Variants in LUC7L observed in about 807,000 individuals in gnomAD.
LUC7L encodes LUC7 like.
In LUC7L, 29 loss-of-function variants were observed where a neutral mutation model predicts 51.1. The observed-to-expected ratio is 0.57, with a 90% CI of 0.42 to 0.77. LUC7L has a LOEUF of 0.77. Ranked by LOEUF, LUC7L falls within the 30% of genes least tolerant of loss-of-function variation. LUC7L has a pLI of 0.00. For missense variants in LUC7L, 403 were observed against 511.9 expected (o/e 0.79, Z 2.05); for synonymous variants, 181 against 180.7 (o/e 1.00, Z -0.01).
intron 6 of LUC7L, among the ~76,000 whole-genome samples, chr16:196,376 C>CCA (rs1411680379): frequency 1.3e-5 from 2 of 151,916 alleles, no homozygotes; most frequent in Non-Finnish European, 2.9e-5. Flanking sequence ...ACACTGCACT[C>CCA]CAGCCTGGGT....
intron 8 of LUC7L, 96 bp from the exon 9 acceptor site, chr16:190,231 A>G: frequency 9.1e-7 from 1 of 1,103,500 alleles, no homozygotes; most frequent in Non-Finnish European, 1.3e-6. Context: ...CTTTACTGAC[A>G]TTTTCTCCTT....
In LUC7L at chr16:194,885, G is replaced by A. The variant is rs139825419; in HGVS notation, c.688-1870C>T. Among the ~76,000 whole-genome samples the A allele has an allele frequency of 2.2e-3, 329 of 152,280 alleles. 2 individuals are homozygous for A. The highest frequency in any genetic ancestry group is 0.01 in the Middle Eastern group (3 of 294). On this transcript the variant is annotated intron_variant, in intron 6 of 9. Coordinates refer to ENST00000293872, the MANE Select transcript of LUC7L (RefSeq NM_201412.3). ...ATTTAATGCCCCTCATCTGTGTCAA[G>A]TGAAGCCCTGAGTGGGAGCAAGTCA...
chr16:191,699 G>C (rs2049014200), intron 7 of LUC7L, among the ~76,000 whole-genome samples: 1 of 152,122 alleles, frequency 6.6e-6, no homozygotes. Context: ...ACAAAAATTA[G>C]CTGGGCGTGA....
At chr16:209,183 C>G (rs1049152438) in intron 3 of LUC7L, 1 of 149,698 alleles carries the variant, frequency 6.7e-6, no homozygotes, top group Admixed American at 6.7e-5. Context: ...GACTCCGTAT[C>G]AAAAACAAAA....
intron 3 of LUC7L, among the ~76,000 whole-genome samples, chr16:211,720 T>C (rs2049646073): frequency 6.6e-6 from 1 of 152,160 alleles, no homozygotes; most frequent in Non-Finnish European, 1.5e-5. Context: ...TTATGAAACA[T>C]AAACCCTAAA....
chr16:189,370 G>C, intron 9 of LUC7L, 31 bp from the exon 10 acceptor site: 3 of 1,589,946 alleles, frequency 1.9e-6, no homozygotes, highest in Non-Finnish European at 2.6e-6. Context: ...GCTCAGTGGA[G>C]GCTGCTGCCC....
intron 3 of LUC7L, among the ~76,000 whole-genome samples, chr16:214,607 G>GC (rs1346920520): frequency 2.6e-5 from 4 of 152,256 alleles, no homozygotes; most frequent in African/African-American, 9.6e-5. Context: ...GCTCACTTCA[G>GC]CCTTGATCCT....
At chr16:226,532 T>C (rs998936405) in intron 2 of LUC7L, among the ~76,000 whole-genome samples, 8 of 152,306 alleles carry the variant, frequency 5.3e-5, no homozygotes, top group Admixed American at 3.9e-4. Flanking sequence ...TTAGATAGCA[T>C]GTTGATTTCT....
intron 3 of LUC7L, among the ~76,000 whole-genome samples, chr16:211,901 G>A (rs2049651502): frequency 6.6e-6 from 1 of 152,214 alleles, no homozygotes; most frequent in Non-Finnish European, 1.5e-5. Flanking sequence ...CAGGCCGGTG[G>A]TCACTGAGCC....
intron 4 of LUC7L, among the ~76,000 whole-genome samples, chr16:206,658 T>C (rs1323251078): frequency 6.6e-6 from 1 of 152,094 alleles, no homozygotes; most frequent in Non-Finnish European, 1.5e-5. Context: ...CTCAGTCTAA[T>C]TACATATAAA....
At chr16:216,858 C>A (rs2049816112) in intron 3 of LUC7L, among the ~76,000 whole-genome samples, 1 of 152,022 alleles carries the variant, frequency 6.6e-6, no homozygotes, top group South Asian at 2.1e-4. Context: ...CCACGCCTGG[C>A]TAACTCTGGC....
In LUC7L at chr16:208,576, T is replaced by C. The variant is rs1052987637; in HGVS notation, c.256-388A>G. 5 of 1,030,762 alleles carry C rather than the reference T, an allele frequency of 4.9e-6. No individual in the cohort carries two copies. The African/African-American group carries it at 8.7e-5, about 18-fold the overall frequency. The allele number at this position is 1,030,762 out of a possible 1,614,324, so 63.9% of individuals were successfully genotyped here. On this transcript the variant is annotated intron_variant, in intron 3 of 9. Coordinates refer to ENST00000293872, the MANE Select transcript of LUC7L (RefSeq NM_201412.3). Reference sequence around the variant, plus strand: ...CTGGAGGCCCTCTTCTGGGGAGTTGTGAGAGATGCATATGATGTACTCACT... The same window carrying C: ...CTGGAGGCCCTCTTCTGGGGAGTTGCGAGAGATGCATATGATGTACTCACT...
chr16:191,651 C>A (rs149877444), intron 7 of LUC7L, among the ~76,000 whole-genome samples: 2,535 of 152,252 alleles, frequency 0.017, 77 homozygotes, highest in African/African-American at 0.058. Flanking sequence ...TCGAGACCAG[C>A]CTGGCCAACA....
intron 5 of LUC7L, among the ~76,000 whole-genome samples, chr16:202,910 G>C (rs2049374190): frequency 6.6e-6 from 1 of 152,168 alleles, no homozygotes; most frequent in East Asian, 1.9e-4. Flanking sequence ...CACTGTGGGA[G>C]GCTGAGGCAG....
intron 5 of LUC7L, among the ~76,000 whole-genome samples, chr16:202,279 T>A (rs541150095): frequency 1.3e-5 from 2 of 152,088 alleles, no homozygotes; most frequent in South Asian, 4.2e-4. Context: ...TAGGCTCCTT[T>A]AAACAATCAG....
At chr16:224,895 A>G (rs1032406595) in intron 2 of LUC7L, among the ~76,000 whole-genome samples, 7 of 151,906 alleles carry the variant, frequency 4.6e-5, no homozygotes, top group Admixed American at 6.6e-5. Context: ...AGCTCCCAAA[A>G]GAGTCCCTGC....
At chr16:194,260 A>G (rs895170221) in intron 6 of LUC7L, among the ~76,000 whole-genome samples, 2 of 152,172 alleles carry the variant, frequency 1.3e-5, no homozygotes, top group African/African-American at 4.8e-5. Context: ...GTGTGCCACC[A>G]TGGCAGACTA....
At chr16:208,398 T>C (rs1251998193) in intron 3 of LUC7L, 5 of 473,026 alleles carry the variant, frequency 1.1e-5, no homozygotes. Context: ...TTTGGAAGCA[T>C]GGTCTTCTCA....
intron 2 of LUC7L, among the ~76,000 whole-genome samples, chr16:225,910 T>C (rs1432328039): frequency 6.6e-6 from 1 of 152,244 alleles, no homozygotes; most frequent in Admixed American, 6.5e-5. Context: ...AAAACATGGT[T>C]GAAATCTTCC....
Sources: allele counts gnomAD v4.1 joint callset (sites outside exome capture counted in the v4.1 genomes callset), GRCh38; gene constraint gnomAD v4.1.1; transcripts MANE v1.5; gene names NCBI Gene and HGNC (gene_info 2026-07-23, HGNC 2026-07-21).